ACKR3: variants seen among roughly 807,000 people sequenced by gnomAD.
ACKR3 encodes the protein C-X-C chemokine receptor type 7.
Under a neutral mutation model 22.4 loss-of-function variants are expected in ACKR3, and 6 were observed. The observed-to-expected ratio is 0.27, with a 90% confidence interval of 0.15 to 0.53. The LOEUF (loss-of-function observed/expected upper bound fraction) is 0.53, where lower values mean the gene tolerates loss of function less well. ACKR3 is among the 20% of genes least tolerant of loss of function. The probability of loss-of-function intolerance (pLI) is 0.96; values close to 1 mark genes in which losing one functional copy is unlikely to be tolerated. For missense variants in ACKR3, 396 were observed against 475.2 expected (o/e 0.83, Z 1.55); for synonymous variants, 209 against 205.2 (o/e 1.02, Z -0.16).
the ACKR3 span, among the ~76,000 whole-genome samples, chr2:236,558,143 G>A: frequency 6.6e-6 from 1 of 152,144 alleles, no homozygotes; most frequent in Non-Finnish European, 1.5e-5. Flanking sequence ...ACAGTCAGCT[G>A]GTGGTGGAAA....
chr2:236,580,543 C>T lies in ACKR3; in HGVS notation c.78C>T (p.Cys26=), dbSNP rs1047641115. 1.2e-6 allele frequency: 2 copies of T among 1,614,154 alleles called. No individual in the cohort carries two copies. Among genetic ancestry groups the T allele is most frequent in the Non-Finnish European group, 1.7e-6 (2 of 1,180,062 alleles). ...DISWPCNSSD[C]IVVDTVMCPN... ...GCTGGCCATGCAACAGCAGCGACTGCATCGTGGTGGACACGGTGATGTGTC... is the reference window on the plus strand; with the variant it reads ...GCTGGCCATGCAACAGCAGCGACTGTATCGTGGTGGACACGGTGATGTGTC... The change falls in exon 2 of 2, where the codon TGC becomes TGT. Residue 26 remains cysteine, a synonymous_variant. Transcript: ENST00000272928.
chr2:236,540,143 G>A, the ACKR3 span, among the ~76,000 whole-genome samples: 3 of 152,174 alleles, frequency 2.0e-5, no homozygotes, highest in Admixed American at 1.3e-4. Flanking sequence ...TTACACTGTG[G>A]CCAGCAATAT....
At chr2:236,579,122 C>T (rs897395069) in intron 1 of ACKR3, among the ~76,000 whole-genome samples, 2 of 152,198 alleles carry the variant, frequency 1.3e-5, no homozygotes, top group South Asian at 2.1e-4. Flanking sequence ...TGTCTGATCT[C>T]GGAGTGGGCG....
chr2:236,563,227 A>G (rs1691106969), upstream of ACKR3, among the ~76,000 whole-genome samples: 1 of 152,154 alleles, frequency 6.6e-6, no homozygotes, highest in Non-Finnish European at 1.5e-5. Context: ...CAAAATAGGG[A>G]GAGGACAAAA....
chr2:236,564,024 G>A (rs1376375959), upstream of ACKR3, among the ~76,000 whole-genome samples: 5 of 152,162 alleles, frequency 3.3e-5, no homozygotes, highest in Non-Finnish European at 5.9e-5. Flanking sequence ...AAGGCCCACC[G>A]GCCTCTGACT....
the ACKR3 span, among the ~76,000 whole-genome samples, chr2:236,558,427 G>A: frequency 6.6e-6 from 1 of 152,180 alleles, no homozygotes; most frequent in South Asian, 2.1e-4. Context: ...ACAACCAGAG[G>A]CGCTTTTTGT....
the ACKR3 span, among the ~76,000 whole-genome samples, chr2:236,557,149 T>C: frequency 5.3e-5 from 8 of 152,092 alleles, no homozygotes; most frequent in African/African-American, 1.2e-4. Context: ...AACATGGAAA[T>C]GGAGAAAACT....
At chr2:236,563,293 GCA>G (rs1432938989), upstream of ACKR3, among the ~76,000 whole-genome samples, 2 of 152,166 alleles carry the variant, frequency 1.3e-5, no homozygotes, top group East Asian at 3.9e-4. Context: ...ATATTTATGG[GCA>G]TCCGGCACGC....
chr2:236,543,291 C>T, the ACKR3 span, among the ~76,000 whole-genome samples: 1,243 of 152,156 alleles, frequency 8.2e-3, 19 homozygotes, highest in African/African-American at 0.029. Context: ...GAGGATGGGG[C>T]TCACGTTTTG....
intron 1 of ACKR3, among the ~76,000 whole-genome samples, chr2:236,579,647 T>G (rs972259799): frequency 1.3e-5 from 2 of 152,194 alleles, no homozygotes; most frequent in Non-Finnish European, 2.9e-5. Flanking sequence ...TTTTGAGTCT[T>G]GGCACACCTT....
chr2:236,551,274 C>T, the ACKR3 span, among the ~76,000 whole-genome samples: 1 of 152,252 alleles, frequency 6.6e-6, no homozygotes, highest in Non-Finnish European at 1.5e-5. Flanking sequence ...GCCCCAAGCC[C>T]CATTTCCCCT....
chr2:236,582,075 AAT>A lies in ACKR3; in HGVS notation c.*529_*530del, dbSNP rs764344543. 1.3e-5 allele frequency: 2 copies of A among 159,962 alleles called. No individual in the cohort carries two copies. The highest frequency in any genetic ancestry group is 3.1e-5 in the Non-Finnish European group (2 of 64,830). 9.9% of individuals were successfully genotyped at this position (159,962 alleles called of 1,614,324 possible). A position where few individuals can be genotyped will look rare whatever the true frequency, so the allele number is the denominator to read the frequency against. ...GCTGTTTTGAAATTATATATATATA[AAT>A]ATATATAAATATATAAATATATGCC... On this transcript the variant is annotated 3_prime_UTR_variant, in exon 2 of 2. Coordinates refer to ENST00000272928, the MANE Select transcript of ACKR3 (RefSeq NM_020311.3).
chr2:236,556,107 G>A, the ACKR3 span, among the ~76,000 whole-genome samples: 2 of 152,174 alleles, frequency 1.3e-5, no homozygotes, highest in Admixed American at 6.5e-5. Context: ...AGGAGTTAGA[G>A]TCCATGTGGG....
At chr2:236,579,868 G>A (rs543055929) in intron 1 of ACKR3, among the ~76,000 whole-genome samples, 2 of 152,212 alleles carry the variant, frequency 1.3e-5, no homozygotes, top group African/African-American at 4.8e-5. Flanking sequence ...TGAGACCCAG[G>A]TTTATATGTG....
At chr2:236,541,082 T>TA in the ACKR3 span, among the ~76,000 whole-genome samples, 3 of 152,094 alleles carry the variant, frequency 2.0e-5, no homozygotes. Context: ...GGCTAATCTA[T>TA]AAAAAAGCAT....
chr2:236,568,844 G>A (rs916965378), upstream of ACKR3, among the ~76,000 whole-genome samples: 26 of 152,160 alleles, frequency 1.7e-4, no homozygotes, highest in Non-Finnish European at 3.4e-4. Context: ...TACAGCTGGT[G>A]CCTTCATACA....
chr2:236,545,410 G>T, the ACKR3 span, among the ~76,000 whole-genome samples: 1 of 152,128 alleles, frequency 6.6e-6, no homozygotes, highest in Non-Finnish European at 1.5e-5. The surrounding 1 kb of genome is among the most constrained non-coding windows in gnomAD (Gnocchi z 5.3). Context: ...GTCACATCAC[G>T]TAGAAACTCA....
rs535353071 is a variant in ACKR3, at chr2:236,570,528, A to G, written c.-27+604A>G. On this transcript the variant is annotated intron_variant, in intron 1 of 1. Transcript: ENST00000272928. ...CGGAAGCTATAAACGTGAATGTTAA[A>G]CACAGCCCGGTCTTCTCTTCTCTTG... Among the ~76,000 whole-genome samples the G allele has an allele frequency of 1.5e-3, 224 of 152,326 alleles. 1 individual carries two copies. Among genetic ancestry groups the G allele is most frequent in the African/African-American group, 5.1e-3 (213 of 41,568 alleles).
At chr2:236,571,828 T>A (rs1375730533) in intron 1 of ACKR3, among the ~76,000 whole-genome samples, 1 of 152,036 alleles carries the variant, frequency 6.6e-6, no homozygotes, top group East Asian at 1.9e-4. Context: ...CCTCAAAGAT[T>A]GCAAAACTTT....
Sources: gnomAD v4.1 joint callset for allele counts (sites outside exome capture counted in the v4.1 genomes callset) on GRCh38, gnomAD v4.1.1 for gene constraint, Gnocchi (gnomAD v3.1) non-coding constraint, MANE v1.5 for transcripts, NCBI Gene and HGNC (gene_info 2026-07-23, HGNC 2026-07-21) for gene names.